Variants in DCC observed in about 807,000 individuals in gnomAD.
DCC encodes DCC netrin 1 receptor, also known as netrin receptor DCC.
DCC carries 58 observed loss-of-function variants against 172.5 expected under a neutral mutation model. The ratio of observed to expected loss-of-function variants is 0.34; its 90% CI spans 0.27 to 0.42. DCC has a LOEUF of 0.42. Ranked by LOEUF, DCC falls within the 10% of genes least tolerant of loss-of-function variation. The pLI is 1.00. For synonymous variants in DCC, 709 were observed against 644.5 expected, an observed-to-expected ratio of 1.10 and a Z score of -1.52; for missense variants, 1,740 against 1,791.0, an observed-to-expected ratio of 0.97 and a Z score of 0.51.
intron 15 of DCC, among the ~76,000 whole-genome samples, chr18:53,359,066 T>C (rs2057915835): frequency 6.6e-6 from 1 of 152,118 alleles, no homozygotes; most frequent in Admixed American, 6.6e-5. Context: ...GTACTGTGTA[T>C]AAGACTGCAG....
intron 8 of DCC, 118 bp downstream of exon 8, chr18:53,157,630 C>T (rs2054764834): frequency 1.0e-6 from 1 of 999,124 alleles, no homozygotes; most frequent in East Asian, 2.6e-5. Context: ...GAAATCTCTA[C>T]TATGTCCTTC....
intron 12 of DCC, among the ~76,000 whole-genome samples, chr18:53,274,141 C>G (rs2056779813): frequency 6.6e-6 from 1 of 152,118 alleles, no homozygotes; most frequent in Non-Finnish European, 1.5e-5. Flanking sequence ...AATTTATTTA[C>G]TTTTTCAATA....
intron 2 of DCC, among the ~76,000 whole-genome samples, chr18:52,792,820 A>G (rs200979272): frequency 1.9e-4 from 27 of 145,434 alleles, no homozygotes; most frequent in African/African-American, 4.1e-4. Context: ...ATTCAATTCC[A>G]TTCTATTCCA....
intron 7 of DCC, among the ~76,000 whole-genome samples, chr18:53,139,045 T>G (rs2043791008): frequency 6.6e-6 from 1 of 152,198 alleles, no homozygotes; most frequent in African/African-American, 2.4e-5. Flanking sequence ...ATTTGTGACC[T>G]TGGGTGTACT....
At chr18:53,433,037 A>G (rs1046937284) in intron 21 of DCC, among the ~76,000 whole-genome samples, 1 of 152,138 alleles carries the variant, frequency 6.6e-6, no homozygotes, top group Non-Finnish European at 1.5e-5. Context: ...TGAGAATTAC[A>G]TGATTTCCTT....
At position 52,957,780 on chromosome 18, in the gene DCC, T is replaced by C. The variant is rs139022403; in HGVS notation, c.985+32410T>C. On this transcript the variant is annotated intron_variant, in intron 5 of 28. Transcript: ENST00000442544. The stretch of plus-strand genomic sequence containing the variant: ...TGTGCTCCATGTGCGAAGAACTCAA[T>C]AGGATGTGAGAGTGGTAAATGATAG... Among the ~76,000 whole-genome samples the C allele has an allele frequency of 4.8e-3, 736 of 152,098 alleles. 6 individuals are homozygous for C. The highest frequency in any genetic ancestry group is 0.017 in the African/African-American group (705 of 41,516).
chr18:53,172,761 A>G (rs1488279049), intron 8 of DCC, among the ~76,000 whole-genome samples: 1 of 151,994 alleles, frequency 6.6e-6, no homozygotes, highest in African/African-American at 2.4e-5. Context: ...CTTTTTCCCT[A>G]TAGGACCTCA....
chr18:53,093,169 T>TG (rs1195842045), intron 7 of DCC, among the ~76,000 whole-genome samples: 1 of 151,844 alleles, frequency 6.6e-6, no homozygotes, highest in Non-Finnish European at 1.5e-5. Context: ...GTAATCCCAG[T>TG]GGGTGGCTGA....
At chr18:53,298,624 C>T (rs1382572423) in intron 12 of DCC, among the ~76,000 whole-genome samples, 2 of 144,110 alleles carry the variant, frequency 1.4e-5, no homozygotes, top group African/African-American at 2.5e-5. Flanking sequence ...GGTTCTAATT[C>T]TTGTTCTAAG....
At chr18:52,779,742 A>G (rs1045280775) in intron 2 of DCC, among the ~76,000 whole-genome samples, 11 of 152,192 alleles carry the variant, frequency 7.2e-5, no homozygotes, top group African/African-American at 2.4e-4. Flanking sequence ...GTCTTCCACA[A>G]TGGTTGAACT....
rs564478943 is a variant in DCC, at chr18:52,873,286, A to G, written c.413-32758A>G. On this transcript the variant is annotated intron_variant, in intron 2 of 28. Coordinates refer to ENST00000442544, the MANE Select transcript of DCC (RefSeq NM_005215.4). Reference sequence around the variant, plus strand: ...GTAAACAGTGTACAGAGGTCGGGACAGAAGCATCTCTTTCATCCGGCAAAG... The same window carrying G: ...GTAAACAGTGTACAGAGGTCGGGACGGAAGCATCTCTTTCATCCGGCAAAG... Among the ~76,000 whole-genome samples the G allele has an allele frequency of 3.0e-3, 460 of 152,318 alleles. 1 individual carries two copies. The highest frequency in any genetic ancestry group is 0.011 in the African/African-American group (444 of 41,562).
At chr18:53,522,768 G>GC (rs2046414081) in intron 27 of DCC, among the ~76,000 whole-genome samples, 1 of 152,112 alleles carries the variant, frequency 6.6e-6, no homozygotes, top group African/African-American at 2.4e-5. Flanking sequence ...ATTAACTCAA[G>GC]ATGGATTAAA....
intron 7 of DCC, among the ~76,000 whole-genome samples, chr18:53,097,915 C>A (rs1401116162): frequency 6.6e-6 from 1 of 152,016 alleles, no homozygotes; most frequent in African/African-American, 2.4e-5. Flanking sequence ...CCTTAATTAC[C>A]TCCTTAAAAG....
intron 1 of DCC, among the ~76,000 whole-genome samples, chr18:52,430,589 G>A (rs568368178): frequency 2.0e-5 from 3 of 152,144 alleles, no homozygotes; most frequent in Non-Finnish European, 2.9e-5. Context: ...AATCTATGGA[G>A]GATGATAGTA....
At chr18:52,460,564 G>A (rs1598836422) in intron 1 of DCC, among the ~76,000 whole-genome samples, 2 of 151,934 alleles carry the variant, frequency 1.3e-5, no homozygotes, top group Non-Finnish European at 2.9e-5. Context: ...TGCATCACTC[G>A]GTGGTTTTGT....
chr18:52,771,168 A>C (rs1195827632), intron 2 of DCC, among the ~76,000 whole-genome samples: 4 of 152,204 alleles, frequency 2.6e-5, no homozygotes, highest in Admixed American at 2.6e-4. Flanking sequence ...ATGGCCCAGC[A>C]TTAGAGCTGG....
intron 2 of DCC, among the ~76,000 whole-genome samples, chr18:52,770,148 C>T (rs1189683149): frequency 2.0e-5 from 3 of 152,212 alleles, no homozygotes; most frequent in Non-Finnish European, 2.9e-5. Context: ...CTCCTGCCAT[C>T]CCTTCTCTCT....
chr18:52,833,792 C>T (rs113579680), intron 2 of DCC, among the ~76,000 whole-genome samples: 1 of 152,154 alleles, frequency 6.6e-6, no homozygotes, highest in African/African-American at 2.4e-5. Flanking sequence ...TCCCAAGTAA[C>T]TGGGACTACA....
At chr18:53,430,604 C>T (rs532465696) in intron 21 of DCC, among the ~76,000 whole-genome samples, 62 of 152,212 alleles carry the variant, frequency 4.1e-4, no homozygotes, top group Non-Finnish European at 6.9e-4. Flanking sequence ...AATGTTATTT[C>T]ATTTTATACG....
Sources: allele counts gnomAD v4.1 joint callset (sites outside exome capture counted in the v4.1 genomes callset), GRCh38; gene constraint gnomAD v4.1.1; transcripts MANE v1.5; gene names NCBI Gene and HGNC (gene_info 2026-07-23, HGNC 2026-07-21).